The following FSTL5 variants were observed in gnomAD, a reference collection of about 807,000 sequenced individuals.
FSTL5 encodes the protein follistatin-related protein 5.
In FSTL5, 62 loss-of-function variants were observed where a neutral mutation model predicts 89.1. The observed-to-expected ratio is 0.70, with a 90% confidence interval of 0.57 to 0.86. The LOEUF (loss-of-function observed/expected upper bound fraction) is 0.86, where lower values mean the gene tolerates loss of function less well. FSTL5 is among the 40% of genes least tolerant of loss of function. The probability of loss-of-function intolerance (pLI) is 0.00; values close to 1 mark genes in which losing one functional copy is unlikely to be tolerated. For synonymous variants in FSTL5, 383 were observed against 346.2 expected (o/e 1.11, Z -1.18); for missense variants, 1,057 against 1,001.6 (o/e 1.06, Z -0.75).
chr4:161,472,856 C>G (rs972315460), intron 13 of FSTL5, among the ~76,000 whole-genome samples: 1 of 152,006 alleles, frequency 6.6e-6, no homozygotes, highest in Non-Finnish European at 1.5e-5. Context: ...TCCTGAGTAG[C>G]TGGGATTACA....
At chr4:162,095,864 T>G (rs886717135) in intron 2 of FSTL5, among the ~76,000 whole-genome samples, 5 of 152,110 alleles carry the variant, frequency 3.3e-5, no homozygotes, top group Middle Eastern at 3.4e-3. Flanking sequence ...ACACGTTACA[T>G]GTGTAAGTAC....
intron 13 of FSTL5, among the ~76,000 whole-genome samples, chr4:161,473,788 G>T (rs747123503): frequency 1.3e-5 from 2 of 151,966 alleles, no homozygotes; most frequent in Non-Finnish European, 2.9e-5. Flanking sequence ...TCTCCGTTTT[G>T]GTTACTCAGT....
rs546076114 is a variant in FSTL5 at position 162,080,306 on chromosome 4, ATG to A, written c.126+30963_126+30964del. ...GATTTATTCTGGCTTAATGTATTTA[ATG>A]TGTCTCCTAACACTGATATGAATAA... On this transcript the variant is annotated intron_variant, in intron 2 of 15. Coordinates refer to ENST00000306100, the MANE Select transcript of FSTL5 (RefSeq NM_020116.5). Among the ~76,000 whole-genome samples the A allele has an allele frequency of 5.6e-3, 857 of 151,750 alleles. 7 individuals carry two copies. Among genetic ancestry groups the A allele is most frequent in the African/African-American group, 0.02 (829 of 41,494 alleles).
intron 10 of FSTL5, among the ~76,000 whole-genome samples, chr4:161,536,632 A>G (rs1425007674): frequency 1.3e-5 from 2 of 152,120 alleles, no homozygotes; most frequent in African/African-American, 4.8e-5. Flanking sequence ...CTTTTACTTC[A>G]ACAAGATTAA....
At chr4:161,911,127 A>T (rs1006767088) in intron 4 of FSTL5, among the ~76,000 whole-genome samples, 1 of 152,268 alleles carries the variant, frequency 6.6e-6, no homozygotes, top group South Asian at 2.1e-4. Flanking sequence ...TCTATGTAAA[A>T]TTATTATGGA....
At chr4:161,516,764 T>C (rs1481804194) in intron 10 of FSTL5, among the ~76,000 whole-genome samples, 1 of 149,860 alleles carries the variant, frequency 6.7e-6, no homozygotes, top group African/African-American at 2.4e-5. Flanking sequence ...CACACAATTT[T>C]TTTTTCCTCA....
At chr4:162,013,393 A>T (rs1238175345) in intron 3 of FSTL5, among the ~76,000 whole-genome samples, 1 of 151,758 alleles carries the variant, frequency 6.6e-6, no homozygotes, top group East Asian at 1.9e-4. Flanking sequence ...AACACATAAC[A>T]CTCCTGGTTT....
rs1411691003 is a variant in FSTL5, at chr4:161,779,785, A to ATG, written c.410-3712_410-3711insCA. 3.8e-3 allele frequency among the ~76,000 whole-genome samples: 169 copies of ATG among 44,216 alleles called. 3 individuals carry two copies. The highest frequency in any genetic ancestry group is 4.8e-3 in the Non-Finnish European group (139 of 28,820). The allele number at this position is 44,216 out of a possible 152,430, so 29.0% of individuals were successfully genotyped here. On this transcript the variant is annotated intron_variant, in intron 4 of 15. Transcript: ENST00000306100. Reference sequence around the variant, plus strand: ...TATATATATATATATGTATATATATATATATATATATATATATATATATAT... The same window carrying ATG: ...TATATATATATATATGTATATATATATGTATATATATATATATATATATATAT...
At chr4:161,652,729 C>A (rs545028522) in intron 7 of FSTL5, among the ~76,000 whole-genome samples, 43 of 151,952 alleles carry the variant, frequency 2.8e-4, no homozygotes, top group Middle Eastern at 3.4e-3. Context: ...TAAAATACAT[C>A]TATATTATTG....
chr4:161,469,903 A>T (rs140985160), intron 13 of FSTL5, among the ~76,000 whole-genome samples: 1 of 152,048 alleles, frequency 6.6e-6, no homozygotes, highest in African/African-American at 2.4e-5. Context: ...CAGCCTCCCA[A>T]AGTGCTGGGA....
intron 15 of FSTL5, among the ~76,000 whole-genome samples, chr4:161,439,732 A>C (rs1013914869): frequency 6.6e-6 from 1 of 151,342 alleles, no homozygotes; most frequent in Non-Finnish European, 1.5e-5. Flanking sequence ...ACACACACAC[A>C]CCCCACACGC....
intron 1 of FSTL5, among the ~76,000 whole-genome samples, chr4:162,148,777 G>T (rs528095612): frequency 4.8e-4 from 73 of 152,170 alleles, no homozygotes; most frequent in African/African-American, 1.7e-3. Flanking sequence ...TCTGAGTCAG[G>T]CATTATTAAC....
intron 4 of FSTL5, among the ~76,000 whole-genome samples, chr4:161,812,445 T>G (rs1579110193): frequency 1.3e-5 from 2 of 152,152 alleles, no homozygotes; most frequent in East Asian, 3.9e-4. Context: ...TCTCTGCCAT[T>G]GTTCAGTTGT....
intron 1 of FSTL5, among the ~76,000 whole-genome samples, chr4:162,130,702 A>G (rs1024630050): frequency 6.6e-6 from 1 of 150,512 alleles, no homozygotes; most frequent in Non-Finnish European, 1.5e-5. Context: ...TACATAGCTT[A>G]TATGAATAAT....
At chr4:161,537,191 C>T (rs4359857) in intron 10 of FSTL5, among the ~76,000 whole-genome samples, 11,328 of 152,054 alleles carry the variant, frequency 0.074, 536 homozygotes, top group Middle Eastern at 0.15. Flanking sequence ...ATAGGAAGAC[C>T]CCTGGCTGGA....
chr4:161,407,870 A>T (rs1209682192), intron 15 of FSTL5, among the ~76,000 whole-genome samples: 3 of 152,170 alleles, frequency 2.0e-5, no homozygotes, highest in Admixed American at 2.0e-4. Context: ...CAGCTTGGAA[A>T]ACTTTCAGAT....
chr4:161,874,225 TTAAGAA>T (rs1386638032), intron 4 of FSTL5, among the ~76,000 whole-genome samples: 4 of 152,088 alleles, frequency 2.6e-5, no homozygotes, highest in African/African-American at 9.6e-5. Context: ...GTTATAGACA[TTAAGAA>T]TGTTTGACAT....
chr4:161,986,233 C>T lies in FSTL5; in HGVS notation c.160+47392G>A, dbSNP rs1158296025. 2.6e-5 allele frequency among the ~76,000 whole-genome samples: 4 copies of T among 152,012 alleles called. No individual in the cohort carries two copies. In the South Asian group the frequency reaches 8.3e-4, roughly 31 times the overall value. On this transcript the variant is annotated intron_variant, in intron 3 of 15. Transcript: ENST00000306100. ...ACTCACTGAAGAACATGGTATATAG[C>T]AAATAATATATATTTCTTTAAAAAA...
At chr4:161,713,916 A>G (rs1179155332) in intron 6 of FSTL5, among the ~76,000 whole-genome samples, 1 of 152,116 alleles carries the variant, frequency 6.6e-6, no homozygotes, top group East Asian at 1.9e-4. Flanking sequence ...CTATTGTCAC[A>G]TTGTTCCTCA....
Sources: gnomAD v4.1 joint callset for allele counts (sites outside exome capture counted in the v4.1 genomes callset) on GRCh38, gnomAD v4.1.1 for gene constraint, MANE v1.5 for transcripts, NCBI Gene and HGNC (gene_info 2026-07-23, HGNC 2026-07-21) for gene names.